FAT3: variants seen among roughly 807,000 people sequenced by gnomAD.
FAT3 encodes protocadherin Fat 3.
A neutral mutation model predicts 310.2 loss-of-function variants in FAT3; 95 were observed. That is an observed-to-expected ratio of 0.31 (90% CI 0.26 to 0.36). The LOEUF (loss-of-function observed/expected upper bound fraction) is 0.36. Among genes scored for constraint, FAT3 ranks in the 10% least tolerant of loss-of-function variants. FAT3 has a pLI of 1.00. For missense variants in FAT3, 5,408 were observed against 5,715.6 expected (o/e 0.95, Z 1.74); for synonymous variants, 2,314 against 2,192.9 (o/e 1.06, Z -1.54).
intron 4 of FAT3, among the ~76,000 whole-genome samples, chr11:92,701,636 G>A (rs977561663): frequency 3.9e-5 from 6 of 152,152 alleles, no homozygotes; most frequent in Admixed American, 2.0e-4. Context: ...GTTCAAAGTC[G>A]TATACCTTCC....
At chr11:92,373,758 ATG>A (rs1949260198) in intron 2 of FAT3, among the ~76,000 whole-genome samples, 2 of 136,896 alleles carry the variant, frequency 1.5e-5, no homozygotes, top group Non-Finnish European at 3.1e-5. Context: ...GGAGATATGT[ATG>A]CACACACACA....
intron 1 of FAT3, among the ~76,000 whole-genome samples, chr11:92,282,216 G>A (rs1946444389): frequency 1.3e-5 from 2 of 152,130 alleles, no homozygotes; most frequent in South Asian, 4.1e-4. Context: ...GAAGCTCCTT[G>A]AGGACCTTCC....
At chr11:92,769,563 C>T (rs1393140498) in intron 6 of FAT3, among the ~76,000 whole-genome samples, 2 of 152,154 alleles carry the variant, frequency 1.3e-5, no homozygotes, top group African/African-American at 4.8e-5. Context: ...TCAGACAGTT[C>T]CTCTTTACCT....
chr11:92,438,499 A>G (rs1950996248), intron 2 of FAT3, among the ~76,000 whole-genome samples: 1 of 152,220 alleles, frequency 6.6e-6, no homozygotes, highest in African/African-American at 2.4e-5. Flanking sequence ...ATTCTGTAGT[A>G]TTACGTACAC....
At position 92,754,627 on chromosome 11, in the gene FAT3, CA is replaced by C. The variant is rs71064722; in HGVS notation, c.3670-7211del. ...TGGGCGACAGAGGAAGACTCTGCCT[CA>C]AAAAAAAAAAAAAAAAAGGAGATAG... On this transcript the variant is annotated intron_variant, in intron 4 of 27. Transcript: ENST00000525166. Among the ~76,000 whole-genome samples, 55 of 32,714 alleles carry C rather than the reference CA, an allele frequency of 1.7e-3. 1 individual carries two copies. Among genetic ancestry groups the C allele is most frequent in the East Asian group, 2.0e-3 (2 of 1,020 alleles). The allele number at this position is 32,714 out of a possible 152,430, so 21.5% of individuals were successfully genotyped here.
At chr11:92,630,280 A>G (rs768632043) in intron 3 of FAT3, among the ~76,000 whole-genome samples, 5 of 152,062 alleles carry the variant, frequency 3.3e-5, no homozygotes, top group South Asian at 4.2e-4. Context: ...GATGATTCCA[A>G]TTCCTCATCC....
At chr11:92,760,755 T>G (rs548560359) in intron 4 of FAT3, among the ~76,000 whole-genome samples, 45 of 152,280 alleles carry the variant, frequency 3.0e-4, no homozygotes, top group African/African-American at 1.1e-3. Context: ...TATCGACATG[T>G]TAGGTGTTAA....
chr11:92,765,019 T>A lies in FAT3; in HGVS notation c.4125T>A (p.Asp1375Glu). The A allele has an allele frequency of 1.2e-6, 2 of 1,613,842 alleles. No homozygotes were observed. The highest frequency in any genetic ancestry group is 2.2e-5 in the South Asian group (2 of 91,060). The change falls in exon 6 of 28, where the codon GAT becomes GAA. Residue 1375 changes from aspartate (D) to glutamate (E), a missense_variant. Transcript: ENST00000525166. ...PFYNFTVMES[D>E]RVTEIVGVVS... Reference sequence around the variant, plus strand: ...ATAACTTCACAGTCATGGAAAGTGATAGAGTGACTGAAATTGTAGGGGTGG... The same window carrying A: ...ATAACTTCACAGTCATGGAAAGTGAAAGAGTGACTGAAATTGTAGGGGTGG...
chr11:92,541,992 T>A (rs1954462546), intron 3 of FAT3, among the ~76,000 whole-genome samples: 1 of 152,000 alleles, frequency 6.6e-6, no homozygotes, highest in Non-Finnish European at 1.5e-5. Context: ...ACAGAAAAGT[T>A]CTCTAAAGTT....
chr11:92,495,796 T>G (rs1318798520), intron 2 of FAT3, among the ~76,000 whole-genome samples: 1 of 152,030 alleles, frequency 6.6e-6, no homozygotes, highest in Admixed American at 6.6e-5. Flanking sequence ...ATGTACACAG[T>G]GTACTGTTTT....
At chr11:92,439,360 C>G (rs1404574648) in intron 2 of FAT3, among the ~76,000 whole-genome samples, 1 of 152,084 alleles carries the variant, frequency 6.6e-6, no homozygotes, top group Admixed American at 6.6e-5. Flanking sequence ...AATATGAAAG[C>G]CAGAACTCTC....
chr11:92,710,412 A>G (rs1301555695), intron 4 of FAT3, among the ~76,000 whole-genome samples: 1 of 152,196 alleles, frequency 6.6e-6, no homozygotes, highest in Non-Finnish European at 1.5e-5. Context: ...TGCATGTCCC[A>G]TCTTTGCCCT....
intron 3 of FAT3, among the ~76,000 whole-genome samples, chr11:92,691,002 A>C (rs1943782207): frequency 6.6e-6 from 1 of 152,248 alleles, no homozygotes; most frequent in African/African-American, 2.4e-5. Context: ...TCTGTGGATA[A>C]ATAAAAACTA....
At chr11:92,551,061 CAG>C (rs1216604344) in intron 3 of FAT3, among the ~76,000 whole-genome samples, 4 of 151,942 alleles carry the variant, frequency 2.6e-5, no homozygotes, top group Non-Finnish European at 5.9e-5. Flanking sequence ...GAGTCTCAGA[CAG>C]AGTGTTGATA....
chr11:92,565,707 T>A (rs1226016907), intron 3 of FAT3, among the ~76,000 whole-genome samples: 1 of 150,950 alleles, frequency 6.6e-6, no homozygotes, highest in Non-Finnish European at 1.5e-5. Flanking sequence ...GTGGGCTTCA[T>A]CCCTGGGATG....
intron 1 of FAT3, among the ~76,000 whole-genome samples, chr11:92,310,666 T>A (rs1485746698): frequency 6.6e-6 from 1 of 152,088 alleles, no homozygotes; most frequent in Non-Finnish European, 1.5e-5. Flanking sequence ...TATATATATA[T>A]GTGTATGTTT....
intron 3 of FAT3, among the ~76,000 whole-genome samples, chr11:92,601,858 T>C (rs912223599): frequency 2.0e-5 from 3 of 152,060 alleles, no homozygotes; most frequent in Non-Finnish European, 4.4e-5. Flanking sequence ...TTAAAAAAAA[T>C]AGCAGTGCAG....
Position 92,352,544 on chromosome 11 carries a change from G to T in FAT3, c.432G>T (p.Val144=), listed in dbSNP as rs748689903. The change falls in exon 2 of 28, where the codon GTG becomes GTT. Residue 144 remains valine, a synonymous_variant. Transcript: ENST00000525166. ...RGEDLEAWTK[V]NIQVLDMNDL... ...AGGATTTGGAAGCATGGACCAAAGT[G>T]AATATACAGGTTTTAGATATGAATG... is the stretch of plus-strand genomic sequence containing the variant. The T allele has an allele frequency of 2.5e-6, 4 of 1,613,646 alleles. No homozygotes were observed. In the East Asian group the frequency reaches 8.9e-5, roughly 36 times the overall value.
At chr11:92,228,135 TC>T (rs775523010) in intron 1 of FAT3, among the ~76,000 whole-genome samples, 13 of 152,140 alleles carry the variant, frequency 8.5e-5, no homozygotes, top group Non-Finnish European at 1.3e-4. Context: ...CACAGAGAAC[TC>T]CACATGAAAG....
Sources: allele counts gnomAD v4.1 joint callset (sites outside exome capture counted in the v4.1 genomes callset), GRCh38; gene constraint gnomAD v4.1.1; transcripts MANE v1.5; gene names NCBI Gene and HGNC (gene_info 2026-07-23, HGNC 2026-07-21).